DNAH8: variants seen among roughly 807,000 people sequenced by gnomAD.
The protein encoded by DNAH8 is dynein axonemal heavy chain 8, also known as axonemal beta dynein heavy chain 8.
A neutral mutation model predicts 562.1 loss-of-function variants in DNAH8; 382 were observed. The ratio of observed to expected loss-of-function variants is 0.68; its 90% CI spans 0.63 to 0.74. The LOEUF (loss-of-function observed/expected upper bound fraction) is 0.74, where lower values mean the gene tolerates loss of function less well. Among genes scored for constraint, DNAH8 ranks in the 30% least tolerant of loss-of-function variants. The pLI is 0.00. For synonymous variants in DNAH8, 1,881 were observed against 1,919.4 expected (o/e 0.98, Z 0.52); for missense variants, 5,203 against 5,620.4 (o/e 0.93, Z 2.37).
At chr6:38,833,883 A>G (rs952794927) in intron 31 of DNAH8, among the ~76,000 whole-genome samples, 1 of 152,204 alleles carries the variant, frequency 6.6e-6, no homozygotes, top group African/African-American at 2.4e-5. Context: ...CTATCATATC[A>G]TGATTGACCA....
intron 33 of DNAH8, 116 bp from the exon 34 acceptor site, chr6:38,842,252 T>C: frequency 1.3e-6 from 1 of 794,000 alleles, no homozygotes; most frequent in Non-Finnish European, 2.0e-6. Context: ...TTGGTATCTA[T>C]AAGACATTGT....
chr6:38,918,153 T>C lies in DNAH8; in HGVS notation c.10524+13T>C. 2 of 1,564,728 alleles carry C rather than the reference T, an allele frequency of 1.3e-6. No individual in the cohort carries two copies. Among genetic ancestry groups the C allele is most frequent in the Non-Finnish European group, 1.8e-6 (2 of 1,141,764 alleles). ...GTTGCCTCTGAAGGTAAAAGTTTCC[T>C]TCCTTCTCCCAGTAAATCAATATTT... On this transcript the variant is annotated intron_variant, in intron 70 of 92. Transcript: ENST00000327475.
chr6:38,773,546 G>T (rs1262252899), intron 12 of DNAH8, among the ~76,000 whole-genome samples: 1 of 152,156 alleles, frequency 6.6e-6, no homozygotes, highest in Non-Finnish European at 1.5e-5. Flanking sequence ...AGCAACCAGA[G>T]CTAAGGTAGC....
rs778114356 is a variant in DNAH8 at position 38,775,766 on chromosome 6, A to T, written c.1777A>T (p.Ile593Leu). 5.0e-6 allele frequency: 8 copies of T among 1,585,512 alleles called. No individual in the cohort carries two copies. The African/African-American group carries it at 9.5e-5, about 19-fold the overall frequency. Residue 593 changes from isoleucine (I) to leucine (L), a missense_variant, in exon 13 of 93, where the codon ATA becomes TTA. Around this residue, in one of 6 missense-constraint regions of DNAH8, gnomAD observed 2,176 missense variants for 2,365.1 expected, o/e 0.92. Transcript: ENST00000327475. ...TTCTCTTTTTAAGATTACAGAAATG[A>T]TAACTGTTGTGCAAACATATTCAAC... Reference protein sequence around the residue: ...CKRLEKITEMITVVQTYSTLS... With the variant: ...CKRLEKITEMLTVVQTYSTLS...
chr6:38,885,784 C>G (rs1295738451), intron 56 of DNAH8, among the ~76,000 whole-genome samples: 1 of 152,144 alleles, frequency 6.6e-6, no homozygotes, highest in Admixed American at 6.5e-5. Flanking sequence ...TCAGGTGAAG[C>G]CTCCCCTGCT....
At chr6:38,991,864 C>T (rs1764812884) in intron 88 of DNAH8, among the ~76,000 whole-genome samples, 1 of 152,194 alleles carries the variant, frequency 6.6e-6, no homozygotes, top group Non-Finnish European at 1.5e-5. Flanking sequence ...CCTTCCCTGG[C>T]TGTGCTATTT....
At chr6:38,962,504 A>G (rs1762667938) in intron 82 of DNAH8, among the ~76,000 whole-genome samples, 1 of 152,154 alleles carries the variant, frequency 6.6e-6, no homozygotes, top group African/African-American at 2.4e-5. Context: ...TTAATATGTG[A>G]TAAGATTTGC....
intron 88 of DNAH8, among the ~76,000 whole-genome samples, 160 bp downstream of exon 88, chr6:38,990,332 A>T (rs1267977080): frequency 2.0e-5 from 3 of 151,954 alleles, no homozygotes; most frequent in Admixed American, 6.6e-5. Flanking sequence ...CAACTTTGTC[A>T]TATCTTGGCC....
In DNAH8 at chr6:38,737,047, T is replaced by C. The variant is rs773674197; in HGVS notation, c.763-20T>C. The C allele has an allele frequency of 6.7e-7, 1 of 1,499,000 alleles. No homozygotes were observed. The highest frequency in any genetic ancestry group is 8.9e-7 in the Non-Finnish European group (1 of 1,129,926). The allele number at this position is 1,499,000 out of a possible 1,614,324, so 92.9% of individuals were successfully genotyped here. On this transcript the variant is annotated intron_variant, in intron 5 of 92. Transcript: ENST00000327475. Reference sequence around the variant, plus strand: ...AGTGGGATTAGCATGTAAAATAACATTTAAACTCCACCCTTTCAGGAAGCG... The same window carrying C: ...AGTGGGATTAGCATGTAAAATAACACTTAAACTCCACCCTTTCAGGAAGCG...
chr6:39,001,089 G>A (rs1158997372), intron 88 of DNAH8, among the ~76,000 whole-genome samples: 1 of 152,186 alleles, frequency 6.6e-6, no homozygotes, highest in Non-Finnish European at 1.5e-5. Flanking sequence ...TAAAGCATGA[G>A]GGAGGGGGGT....
chr6:38,941,338 C>G (rs944123622), intron 79 of DNAH8, among the ~76,000 whole-genome samples: 30 of 152,208 alleles, frequency 2.0e-4, no homozygotes, highest in African/African-American at 6.8e-4. Context: ...TACTCTTTCT[C>G]TACTTCATTT....
chr6:38,917,459 C>A (rs972627058), intron 69 of DNAH8, 53 bp downstream of exon 69: 19 of 1,455,516 alleles, frequency 1.3e-5, no homozygotes, highest in Non-Finnish European at 1.6e-5. Context: ...GCGTCCTCAG[C>A]CCAGGACACT....
chr6:38,784,112 G>A (rs1211785628), intron 17 of DNAH8, among the ~76,000 whole-genome samples: 4 of 152,158 alleles, frequency 2.6e-5, no homozygotes, highest in Admixed American at 1.3e-4. Context: ...GCAGGGTGTC[G>A]TCCCTAACAG....
chr6:38,818,583 A>G (rs1772517784), intron 26 of DNAH8, among the ~76,000 whole-genome samples: 1 of 147,890 alleles, frequency 6.8e-6, no homozygotes, highest in South Asian at 2.1e-4. Context: ...AACAGGAATA[A>G]AACACAGCAG....
At chr6:38,953,417 C>T (rs1247647833) in intron 82 of DNAH8, among the ~76,000 whole-genome samples, 1 of 152,172 alleles carries the variant, frequency 6.6e-6, no homozygotes, top group Non-Finnish European at 1.5e-5. Context: ...TTATAACTGA[C>T]ATTAAATGAA....
intron 10 of DNAH8, among the ~76,000 whole-genome samples, chr6:38,759,452 A>G (rs1181175777): frequency 1.3e-5 from 2 of 152,244 alleles, no homozygotes; most frequent in Non-Finnish European, 1.5e-5. Context: ...AAAGCAAAGT[A>G]TAGGCTTAAT....
chr6:38,874,105 C>T (rs1364716679), intron 52 of DNAH8, among the ~76,000 whole-genome samples: 10 of 38,020 alleles, frequency 2.6e-4, no homozygotes, highest in South Asian at 2.8e-3. Flanking sequence ...TCTCTTTCTC[C>T]TTCCTTCCTT....
intron 88 of DNAH8, among the ~76,000 whole-genome samples, chr6:39,004,643 T>C (rs1363350554): frequency 6.6e-6 from 1 of 152,226 alleles, no homozygotes; most frequent in African/African-American, 2.4e-5. Flanking sequence ...TATAACGTTA[T>C]AAGATTTCCA....
chr6:38,967,750 T>C (rs1288315262), intron 82 of DNAH8, among the ~76,000 whole-genome samples: 1 of 152,140 alleles, frequency 6.6e-6, no homozygotes, highest in Non-Finnish European at 1.5e-5. Flanking sequence ...AACAGCCTTT[T>C]TTAAAAATAG....
Sources: gnomAD v4.1 joint callset for allele counts (sites outside exome capture counted in the v4.1 genomes callset) on GRCh38, gnomAD v4.1.1 for gene constraint, gnomAD v4.1.1 regional missense constraint, MANE v1.5 for transcripts, NCBI Gene and HGNC (gene_info 2026-07-23, HGNC 2026-07-21) for gene names.